The following CORO2A variants were observed in gnomAD, a reference collection of about 807,000 sequenced individuals.
CORO2A encodes coronin-2A.
Under a neutral mutation model 62.4 loss-of-function variants are expected in CORO2A, and 47 were observed. The observed-to-expected ratio is 0.75, with a 90% CI of 0.60 to 0.96. The LOEUF is 0.96. CORO2A is among the 40% of genes least tolerant of loss of function. The pLI is 0.00. For missense variants in CORO2A, 610 were observed against 684.1 expected (o/e 0.89, Z 1.21); for synonymous variants, 273 against 268.9 (o/e 1.02, Z -0.15).
At chr9:98,136,210 A>G (rs896467739) in intron 3 of CORO2A, among the ~76,000 whole-genome samples, 7 of 152,240 alleles carry the variant, frequency 4.6e-5, no homozygotes, top group Admixed American at 1.3e-4. Flanking sequence ...GTATCACAAA[A>G]GTGGGGACAG....
intron 2 of CORO2A, 44 bp from the exon 3 acceptor site, chr9:98,137,732 A>G: frequency 4.3e-6 from 6 of 1,409,918 alleles, no homozygotes; most frequent in Non-Finnish European, 6.0e-6. Context: ...GGTGGATTCC[A>G]CATTAGCATC....
intron 2 of CORO2A, among the ~76,000 whole-genome samples, chr9:98,140,442 GTT>G (rs751439267): frequency 7.1e-6 from 1 of 141,350 alleles, no homozygotes. Context: ...CACTGTACTT[GTT>G]TTTTTTTTTT....
intron 1 of CORO2A, among the ~76,000 whole-genome samples, chr9:98,177,468 T>G (rs1170429955): frequency 1.5e-5 from 2 of 136,816 alleles, no homozygotes; most frequent in Non-Finnish European, 3.1e-5. Context: ...TTTTTTTTTT[T>G]TTTTTTTTTT....
intron 2 of CORO2A, among the ~76,000 whole-genome samples, chr9:98,151,847 C>T (rs574434661): frequency 1.5e-5 from 2 of 136,928 alleles, no homozygotes; most frequent in African/African-American, 2.8e-5. Context: ...GACGGAGTTT[C>T]GCTCTGTCGC....
chr9:98,165,111 C>CATGTACCA (rs71308246), intron 1 of CORO2A, among the ~76,000 whole-genome samples: 12,793 of 152,156 alleles, frequency 0.084, 717 homozygotes, highest in Middle Eastern at 0.13. Context: ...TAAGAACAAG[C>CATGTACCA]ATGTACCACC....
intron 2 of CORO2A, among the ~76,000 whole-genome samples, chr9:98,153,623 A>G (rs1827757749): frequency 1.3e-5 from 2 of 149,770 alleles, no homozygotes; most frequent in African/African-American, 5.0e-5. Flanking sequence ...TGCCCAGGCT[A>G]TATGTCTGTA....
At chr9:98,132,372 C>T (rs2118808033) in intron 5 of CORO2A, 71 bp from the exon 6 acceptor site, 2 of 1,308,002 alleles carry the variant, frequency 1.5e-6, no homozygotes. Flanking sequence ...TTCTGGCCTC[C>T]CTGCTTTGCT....
intron 1 of CORO2A, among the ~76,000 whole-genome samples, chr9:98,173,040 T>A (rs1418473886): frequency 6.6e-6 from 1 of 152,202 alleles, no homozygotes; most frequent in Non-Finnish European, 1.5e-5. Flanking sequence ...AGGTGGTGGC[T>A]CACGCTTGTA....
At chr9:98,171,856 G>A (rs1206640568) in intron 1 of CORO2A, among the ~76,000 whole-genome samples, 1 of 152,042 alleles carries the variant, frequency 6.6e-6, no homozygotes, top group Non-Finnish European at 1.5e-5. Context: ...GGGCACCTGA[G>A]ACAGTGGGGA....
intron 1 of CORO2A, among the ~76,000 whole-genome samples, chr9:98,166,440 A>C (rs1034976245): frequency 6.6e-5 from 10 of 152,244 alleles, no homozygotes; most frequent in African/African-American, 2.4e-4. Flanking sequence ...ATATGGAATG[A>C]GAGGAAATAT....
intron 11 of CORO2A, among the ~76,000 whole-genome samples, chr9:98,126,121 C>T (rs1376542224): frequency 6.6e-6 from 1 of 150,420 alleles, no homozygotes; most frequent in African/African-American, 2.5e-5. Flanking sequence ...CTGCAACCTC[C>T]ACCTCCCAAT....
At position 98,177,464 on chromosome 9, in the gene CORO2A, T is replaced by G. The variant is rs1224888148; in HGVS notation, c.-1+15095A>C. Among the ~76,000 whole-genome samples the G allele has an allele frequency of 4.4e-5, 6 of 135,056 alleles. No individual in the cohort carries two copies. The South Asian group carries it at 7.5e-4, about 17-fold the overall frequency. The allele number at this position is 135,056 out of a possible 152,430, so 88.6% of individuals were successfully genotyped here. ...CAATGGGCTCCAAACTTTGTTTTTT[T>G]TTTTTTTTTTTTTTTTGAGACAGAG... is the stretch of plus-strand genomic sequence containing the variant. On this transcript the variant is annotated intron_variant, in intron 1 of 11. Coordinates refer to ENST00000375077, the MANE Select transcript of CORO2A (RefSeq NM_052820.4).
intron 2 of CORO2A, among the ~76,000 whole-genome samples, chr9:98,139,595 C>T (rs1456895782): frequency 1.3e-5 from 2 of 152,156 alleles, no homozygotes; most frequent in Admixed American, 6.5e-5. Context: ...CCACTGCGTT[C>T]CAGCCTGGGC....
intron 5 of CORO2A, 45 bp from the exon 6 acceptor site, chr9:98,132,346 CG>C (rs1462625402): frequency 7.8e-6 from 12 of 1,540,978 alleles, no homozygotes; most frequent in Non-Finnish European, 1.1e-5. Context: ...AGTAGAGGAT[CG>C]GGGGCAGCTG....
chr9:98,166,765 A>C (rs555529410), intron 1 of CORO2A, among the ~76,000 whole-genome samples: 1 of 152,316 alleles, frequency 6.6e-6, no homozygotes, highest in Admixed American at 6.5e-5. Context: ...TGTGGAATCA[A>C]CCCAAGTGTC....
chr9:98,165,282 A>G (rs1205495371), intron 1 of CORO2A, among the ~76,000 whole-genome samples: 1 of 152,204 alleles, frequency 6.6e-6, no homozygotes. Context: ...TCTATTGTAA[A>G]TTCCTGGTAG....
At chr9:98,134,127 C>G (rs758202512) in intron 4 of CORO2A, among the ~76,000 whole-genome samples, 2 of 152,182 alleles carry the variant, frequency 1.3e-5, no homozygotes, top group Non-Finnish European at 1.5e-5. Context: ...AAGGAAAGAA[C>G]TGAAAGGCCA....
At position 98,157,430 on chromosome 9, in the gene CORO2A, A is replaced by G. The variant is rs768340320; in HGVS notation, c.201+30T>C. ...TCCCTCTGTCCTGCCCTGCCTCCAG[A>G]GAGCTGTTTGGGCCTGGGGGTGTCC... On this transcript the variant is annotated intron_variant, in intron 2 of 11. Transcript: ENST00000375077. 3.1e-6 allele frequency: 5 copies of G among 1,609,712 alleles called. No homozygotes were observed. In the South Asian group the frequency reaches 5.5e-5, roughly 18 times the overall value.
chr9:98,128,792 G>T, intron 8 of CORO2A, 73 bp from the exon 9 acceptor site: 3 of 1,220,408 alleles, frequency 2.5e-6, no homozygotes, highest in South Asian at 1.2e-5. Context: ...AAGCCAGGCT[G>T]CACACCTGGA....
Sources: allele counts gnomAD v4.1 joint callset (sites outside exome capture counted in the v4.1 genomes callset), GRCh38; gene constraint gnomAD v4.1.1; transcripts MANE v1.5; gene names NCBI Gene and HGNC (gene_info 2026-07-23, HGNC 2026-07-21).